NHSL1: variants seen among roughly 807,000 people sequenced by gnomAD.
The protein encoded by NHSL1 is NHS-like protein 1.
NHSL1 carries 48 observed loss-of-function variants against 95.0 expected under a neutral mutation model. The ratio of observed to expected loss-of-function variants is 0.51; its 90% confidence interval spans 0.40 to 0.64. The LOEUF is 0.64. Ranked by LOEUF, NHSL1 falls within the 30% of genes least tolerant of loss-of-function variation. NHSL1 has a pLI of 0.00. For missense variants in NHSL1, 1,971 were observed against 2,077.7 expected (o/e 0.95, Z 1.00); for synonymous variants, 783 against 833.9 (o/e 0.94, Z 1.05).
At chr6:138,591,017 C>G (rs548302157) in intron 1 of NHSL1, among the ~76,000 whole-genome samples, 65 of 152,262 alleles carry the variant, frequency 4.3e-4, no homozygotes, top group African/African-American at 1.5e-3. Context: ...GACCATTGAT[C>G]TCGGGCAATC....
At chr6:138,534,478 C>T (rs1242189755) in intron 1 of NHSL1, among the ~76,000 whole-genome samples, 2 of 152,020 alleles carry the variant, frequency 1.3e-5, no homozygotes, top group African/African-American at 4.8e-5. Context: ...GGTAAAATAC[C>T]CTGTATTTAC....
chr6:138,669,672 T>C (rs1195682762), intron 1 of NHSL1, among the ~76,000 whole-genome samples: 1 of 152,050 alleles, frequency 6.6e-6, no homozygotes, highest in African/African-American at 2.4e-5. Context: ...CTACCAAACA[T>C]AGAGGAAGTA....
chr6:138,437,562 A>G (rs1776270499), intron 5 of NHSL1, among the ~76,000 whole-genome samples: 1 of 151,986 alleles, frequency 6.6e-6, no homozygotes, highest in Admixed American at 6.6e-5. Context: ...CTTAAAGAGT[A>G]ATTTTGACTT....
At chr6:138,426,177 A>G (rs1775249720) in intron 7 of NHSL1, among the ~76,000 whole-genome samples, 1 of 152,246 alleles carries the variant, frequency 6.6e-6, no homozygotes, top group African/African-American at 2.4e-5. Context: ...AATAGAATAA[A>G]GACGTGGGTA....
intron 1 of NHSL1, among the ~76,000 whole-genome samples, chr6:138,651,549 T>C (rs559667215): frequency 4.9e-4 from 75 of 152,246 alleles, no homozygotes; most frequent in Non-Finnish European, 7.5e-4. Context: ...TTTCCAGATG[T>C]AGCAGCAGCT....
chr6:138,547,134 G>GT (rs1782830972), upstream of NHSL1, among the ~76,000 whole-genome samples: 1 of 152,152 alleles, frequency 6.6e-6, no homozygotes. Context: ...CTGCCACACA[G>GT]TAAGGATGCT....
At chr6:138,552,660 A>G (rs1783052609) in intron 1 of NHSL1, among the ~76,000 whole-genome samples, 1 of 152,002 alleles carries the variant, frequency 6.6e-6, no homozygotes. Flanking sequence ...TTCTGGTTTC[A>G]TCTTCCCAGG....
upstream of NHSL1, among the ~76,000 whole-genome samples, chr6:138,548,837 G>A (rs1157142724): frequency 1.3e-5 from 2 of 151,774 alleles, no homozygotes; most frequent in Non-Finnish European, 3.0e-5. Context: ...TCACATAACA[G>A]AAGAATACAC....
chr6:138,610,156 C>T (rs934445484), intron 1 of NHSL1, among the ~76,000 whole-genome samples: 3 of 152,152 alleles, frequency 2.0e-5, no homozygotes, highest in Non-Finnish European at 2.9e-5. Flanking sequence ...CCAACCAAAA[C>T]GTGAGGAGCA....
intron 1 of NHSL1, among the ~76,000 whole-genome samples, chr6:138,624,992 G>A (rs930005707): frequency 6.6e-6 from 1 of 152,184 alleles, no homozygotes; most frequent in East Asian, 1.9e-4. Flanking sequence ...TATAGTGTGT[G>A]TGTGTGAGAG....
At chr6:138,603,588 G>A (rs1329531099) in intron 1 of NHSL1, among the ~76,000 whole-genome samples, 1 of 152,146 alleles carries the variant, frequency 6.6e-6, no homozygotes, top group Non-Finnish European at 1.5e-5. Flanking sequence ...TGCCCTCAAG[G>A]GGCTCAAAGT....
chr6:138,610,560 T>C (rs753464060), intron 1 of NHSL1, among the ~76,000 whole-genome samples: 3 of 64,614 alleles, frequency 4.6e-5, no homozygotes, highest in Non-Finnish European at 8.8e-5. Context: ...TATATATATA[T>C]TATATATATA....
In NHSL1 at chr6:138,426,681, T is replaced by G. The variant is rs150165053; in HGVS notation, c.4086-1865A>C. Among the ~76,000 whole-genome samples the G allele has an allele frequency of 5.9e-4, 90 of 152,268 alleles. 1 individual carries two copies. Among genetic ancestry groups the G allele is most frequent in the African/African-American group, 2.1e-3 (86 of 41,546 alleles). On this transcript the variant is annotated intron_variant, in intron 7 of 7. Coordinates refer to ENST00000343505, the MANE Select transcript of NHSL1 (RefSeq NM_001144060.2). Reference sequence around the variant, plus strand: ...CTGGCTGCCCTGGGCTTGGTGTTCCTGGCGTCATCTCCATTCTTCTGGTCA... The same window carrying G: ...CTGGCTGCCCTGGGCTTGGTGTTCCGGGCGTCATCTCCATTCTTCTGGTCA...
At position 138,430,790 on chromosome 6, in the gene NHSL1, G is replaced by A. The variant is rs977062504; in HGVS notation, c.3555C>T (p.Asp1185=). Residue 1185 remains aspartate (D), a synonymous_variant, in exon 6 of 8, where the codon GAC becomes GAT. Coordinates refer to ENST00000343505, the MANE Select transcript of NHSL1 (RefSeq NM_001144060.2). The surrounding 1 kb of genome is among the most constrained non-coding windows in gnomAD (Gnocchi z 4.7). Reference sequence around the variant, plus strand: ...GGGGTGGCTTCCTGCTGGGTGAAGAGTCTGGGAGTGGGGTGGTGCTGGGGC... The same window carrying A: ...GGGGTGGCTTCCTGCTGGGTGAAGAATCTGGGAGTGGGGTGGTGCTGGGGC... ...RPSPSTTPLP[D]SSPSRKPPPI... 2.6e-6 allele frequency: 4 copies of A among 1,551,384 alleles called. No individual in the cohort carries two copies. In the African/African-American group the frequency reaches 4.1e-5, roughly 16 times the overall value.
intron 2 of NHSL1, among the ~76,000 whole-genome samples, chr6:138,489,753 C>A (rs1186469090): frequency 2.3e-5 from 3 of 128,738 alleles, no homozygotes; most frequent in African/African-American, 9.6e-5. Flanking sequence ...CAGAGCAAGA[C>A]CCTGTCTCAA....
At chr6:138,554,117 G>C (rs1374246433) in intron 1 of NHSL1, among the ~76,000 whole-genome samples, 2 of 152,156 alleles carry the variant, frequency 1.3e-5, no homozygotes, top group Non-Finnish European at 2.9e-5. Flanking sequence ...CAAAACCACT[G>C]GAGTCTAAAT....
At chr6:138,547,635 G>A (rs138525526), upstream of NHSL1, among the ~76,000 whole-genome samples, 1,199 of 152,068 alleles carry the variant, frequency 7.9e-3, 20 homozygotes, top group African/African-American at 0.028. Flanking sequence ...CACCCGCCTC[G>A]GCCTCCCAAA....
At chr6:138,672,229 C>T (rs190516331) in intron 1 of NHSL1, among the ~76,000 whole-genome samples, 1 of 152,300 alleles carries the variant, frequency 6.6e-6, no homozygotes, top group East Asian at 1.9e-4. Context: ...AAATCCTCTA[C>T]AACCATTGGG....
chr6:138,547,667 G>A (rs1295067805), upstream of NHSL1, among the ~76,000 whole-genome samples: 2 of 152,220 alleles, frequency 1.3e-5, no homozygotes, highest in African/African-American at 2.4e-5. Context: ...ACAGGCGTGA[G>A]CCACCATCCC....
Sources: allele counts gnomAD v4.1 joint callset (sites outside exome capture counted in the v4.1 genomes callset), GRCh38; gene constraint gnomAD v4.1.1; non-coding constraint Gnocchi (gnomAD v3.1); transcripts MANE v1.5; gene names NCBI Gene and HGNC (gene_info 2026-07-23, HGNC 2026-07-21).